The following BCAS3 variants were observed in gnomAD, a reference collection of about 807,000 sequenced individuals.
BCAS3 encodes the protein BCAS4/BCAS3 fusion.
A neutral mutation model predicts 116.1 loss-of-function variants in BCAS3; 53 were observed. That is an observed-to-expected ratio of 0.46 (90% CI 0.37 to 0.57). The LOEUF is 0.57. Among genes scored for constraint, BCAS3 ranks in the 20% least tolerant of loss-of-function variants. The pLI, the probability that BCAS3 is intolerant of heterozygous loss-of-function variation, is 0.00. For missense variants in BCAS3, 917 were observed against 1,165.4 expected, an observed-to-expected ratio of 0.79 and a Z score of 3.10; for synonymous variants, 391 against 408.2, an observed-to-expected ratio of 0.96 and a Z score of 0.51.
Position 61,333,933 on chromosome 17 carries a change from T to G in BCAS3, c.2426-34394T>G, listed in dbSNP as rs1281561059. 6.6e-6 allele frequency among the ~76,000 whole-genome samples: 1 copy of G among 152,196 alleles called. No homozygotes were observed. Among genetic ancestry groups the G allele is most frequent in the Non-Finnish European group, 1.5e-5 (1 of 68,020 alleles). ...TGGTACCCTGCCAAGTTCTTGAACC[T>G]TTCTGGTCATTTGCTTCCCTGATTG... On this transcript the variant is annotated intron_variant, in intron 22 of 23. Transcript: ENST00000407086. The surrounding 1 kb of genome is among the most constrained non-coding windows in gnomAD (Gnocchi z 4.8).
intron 4 of BCAS3, among the ~76,000 whole-genome samples, chr17:60,696,838 T>C (rs2035656306): frequency 6.6e-6 from 1 of 152,166 alleles, no homozygotes; most frequent in Non-Finnish European, 1.5e-5. Flanking sequence ...GGGGACCCTC[T>C]AGGTGAAATG....
At position 60,782,561 on chromosome 17, in the gene BCAS3, GTTATTATTATTA is replaced by G. The variant is rs59139545; in HGVS notation, c.404-25413_404-25402del. ...AAAACATGTTAGTTGGTCTTTATAA[GTTATTATTATTA>G]TTATTATTATTATTATTATTATTAT... On this transcript the variant is annotated intron_variant, in intron 6 of 23. Transcript: ENST00000407086. Among the ~76,000 whole-genome samples, 491 of 142,456 alleles carry G rather than the reference GTTATTATTATTA, an allele frequency of 3.4e-3. 4 individuals carry two copies. Among genetic ancestry groups the G allele is most frequent in the African/African-American group, 0.011 (421 of 38,434 alleles). The allele number at this position is 142,456 out of a possible 152,430, so 93.5% of individuals were successfully genotyped here. A position where few individuals can be genotyped will look rare whatever the true frequency, so the allele number is the denominator to read the frequency against.
At chr17:60,702,876 C>G (rs1288860379) in intron 4 of BCAS3, among the ~76,000 whole-genome samples, 1 of 152,046 alleles carries the variant, frequency 6.6e-6, no homozygotes, top group Non-Finnish European at 1.5e-5. Context: ...CAGGCGTGAG[C>G]CACCATGCTC....
At chr17:61,169,828 G>T (rs2078728871) in intron 22 of BCAS3, among the ~76,000 whole-genome samples, 1 of 152,082 alleles carries the variant, frequency 6.6e-6, no homozygotes, top group Non-Finnish European at 1.5e-5. Flanking sequence ...TCTGTGAGTT[G>T]ATTTTTCTGA....
chr17:61,373,353 G>A (rs1004396396), intron 23 of BCAS3, among the ~76,000 whole-genome samples: 2 of 152,022 alleles, frequency 1.3e-5, no homozygotes, highest in Non-Finnish European at 2.9e-5. Context: ...GCCTCCCAAA[G>A]TGCTGGGATT....
chr17:61,142,036 G>C (rs2076950688), intron 22 of BCAS3, among the ~76,000 whole-genome samples: 1 of 151,572 alleles, frequency 6.6e-6, no homozygotes, highest in Admixed American at 6.6e-5. Flanking sequence ...CTTTTCCCCA[G>C]ATATATACAC....
chr17:61,287,397 C>T (rs906285680), intron 22 of BCAS3, among the ~76,000 whole-genome samples: 1 of 151,848 alleles, frequency 6.6e-6, no homozygotes, highest in Admixed American at 6.6e-5. Flanking sequence ...TTCAGAGCAA[C>T]GTGGAGTCAG....
In BCAS3 at chr17:60,960,921, A is replaced by G. The variant is rs1173684567; in HGVS notation, c.1221+13569A>G. On this transcript the variant is annotated intron_variant, in intron 14 of 23. Transcript: ENST00000407086. The surrounding 1 kb of genome is among the most constrained non-coding windows in gnomAD (Gnocchi z 4.1). Reference sequence around the variant, plus strand: ...GCCATCAGACAAGAGGACACTCCACAGATCTTTCTTGCATTTGTCTCTCTA... The same window carrying G: ...GCCATCAGACAAGAGGACACTCCACGGATCTTTCTTGCATTTGTCTCTCTA... 1.3e-5 allele frequency among the ~76,000 whole-genome samples: 2 copies of G among 152,010 alleles called. No homozygotes were observed. The highest frequency in any genetic ancestry group is 2.9e-5 in the Non-Finnish European group (2 of 68,008).
At chr17:60,775,133 A>G (rs2045147348) in intron 6 of BCAS3, among the ~76,000 whole-genome samples, 2 of 152,220 alleles carry the variant, frequency 1.3e-5, no homozygotes, top group Non-Finnish European at 2.9e-5. Context: ...GTATCTTTGG[A>G]GAAGTTAAGT....
intron 6 of BCAS3, among the ~76,000 whole-genome samples, chr17:60,760,968 G>A (rs748342623): frequency 7.2e-5 from 11 of 151,824 alleles, no homozygotes; most frequent in Non-Finnish European, 1.3e-4. Context: ...CAAGTTCTGA[G>A]ATTCTTCCTT....
intron 22 of BCAS3, among the ~76,000 whole-genome samples, chr17:61,146,525 C>G (rs1164382538): frequency 6.6e-6 from 1 of 152,138 alleles, no homozygotes; most frequent in Non-Finnish European, 1.5e-5. Context: ...TCTGCCCTCT[C>G]CCCACAACCC....
chr17:60,876,756 A>G (rs1214883283), intron 9 of BCAS3, among the ~76,000 whole-genome samples: 1 of 152,096 alleles, frequency 6.6e-6, no homozygotes, highest in Non-Finnish European at 1.5e-5. Context: ...AGGCACTTAC[A>G]TTCTATCTTG....
intron 22 of BCAS3, among the ~76,000 whole-genome samples, chr17:61,287,759 C>T (rs1323407077): frequency 1.3e-5 from 2 of 152,030 alleles, no homozygotes; most frequent in Admixed American, 6.6e-5. Context: ...AAAACACCAA[C>T]AAGCCAAAAA....
At chr17:61,202,605 A>G (rs1392051391) in intron 22 of BCAS3, among the ~76,000 whole-genome samples, 1 of 152,080 alleles carries the variant, frequency 6.6e-6, no homozygotes, top group Non-Finnish European at 1.5e-5. Context: ...TCCATTGGTT[A>G]GAATATGATG....
chr17:61,044,478 A>ATATATATATATATATATATATATG (rs1568205824), intron 19 of BCAS3, among the ~76,000 whole-genome samples: 5 of 146,512 alleles, frequency 3.4e-5, no homozygotes, highest in African/African-American at 1.1e-4. Flanking sequence ...ATATATATAT[A>ATATATATATATATATATATATATG]TGCCATAAGA....
rs2082933500 is a variant in BCAS3 at position 61,235,099 on chromosome 17, C to G, written c.2426-133228C>G. Among the ~76,000 whole-genome samples the G allele has an allele frequency of 6.6e-6, 1 of 152,188 alleles. No homozygotes were observed. Among genetic ancestry groups the G allele is most frequent in the Non-Finnish European group, 1.5e-5 (1 of 68,032 alleles). On this transcript the variant is annotated intron_variant, in intron 22 of 23. Transcript: ENST00000407086. This position sits in a 1 kb window ranked among gnomAD's most constrained non-coding sequence, Gnocchi z 5.0. ...ACAGGGTTTCACCACATTGGCCGGGCTGGTCTCAAACTCCTGACCTAAGAT... is the reference window on the plus strand; with the variant it reads ...ACAGGGTTTCACCACATTGGCCGGGGTGGTCTCAAACTCCTGACCTAAGAT...
chr17:60,938,691 T>C (rs2060066804), intron 13 of BCAS3, among the ~76,000 whole-genome samples: 1 of 150,850 alleles, frequency 6.6e-6, no homozygotes, highest in Non-Finnish European at 1.5e-5. Flanking sequence ...TGCCACAGAC[T>C]GGGAGAAAAT....
chr17:61,247,192 C>T (rs2048039374), intron 22 of BCAS3, among the ~76,000 whole-genome samples: 1 of 152,088 alleles, frequency 6.6e-6, no homozygotes. Context: ...CGATAGCATG[C>T]AAATTTGATA....
chr17:61,037,310 C>T lies in BCAS3; in HGVS notation c.1763-579C>T, dbSNP rs1006760275. ...GGACAAATTACATTGTAGACAAGTA[C>T]AAAAGTCTATGAAGGATTTTACTAT... On this transcript the variant is annotated intron_variant, in intron 17 of 23. Transcript: ENST00000407086. This position sits in a 1 kb window ranked among gnomAD's most constrained non-coding sequence, Gnocchi z 4.7. 2.0e-5 allele frequency among the ~76,000 whole-genome samples: 3 copies of T among 152,072 alleles called. No individual in the cohort carries two copies. The highest frequency in any genetic ancestry group is 4.4e-5 in the Non-Finnish European group (3 of 68,016).
Sources: allele counts gnomAD v4.1 joint callset (sites outside exome capture counted in the v4.1 genomes callset), GRCh38; gene constraint gnomAD v4.1.1; non-coding constraint Gnocchi (gnomAD v3.1); transcripts MANE v1.5; gene names NCBI Gene and HGNC (gene_info 2026-07-23, HGNC 2026-07-21).